Variants in FKBP15 observed in about 807,000 individuals in gnomAD.
FKBP15 encodes the protein FKBP prolyl isomerase family member 15.
FKBP15 carries 106 observed loss-of-function variants against 158.1 expected under a neutral mutation model. The observed-to-expected ratio is 0.67, with a 90% CI of 0.57 to 0.79. The LOEUF (loss-of-function observed/expected upper bound fraction) is 0.79, where lower values mean the gene tolerates loss of function less well. Among genes scored for constraint, FKBP15 ranks in the 30% least tolerant of loss-of-function variants. The pLI, the probability that FKBP15 is intolerant of heterozygous loss-of-function variation, is 0.00. For missense variants in FKBP15, 1,287 were observed against 1,479.1 expected (o/e 0.87, Z 2.13); for synonymous variants, 547 against 548.6 (o/e 1.00, Z 0.04).
chr9:113,209,757 T>C (rs1320891775), intron 2 of FKBP15, among the ~76,000 whole-genome samples: 2 of 152,238 alleles, frequency 1.3e-5, no homozygotes, highest in Non-Finnish European at 2.9e-5. Context: ...AATGACCAAT[T>C]GTTTTTTGTT....
chr9:113,204,254 A>C (rs1424084233), intron 4 of FKBP15, among the ~76,000 whole-genome samples: 1 of 152,018 alleles, frequency 6.6e-6, no homozygotes, highest in Non-Finnish European at 1.5e-5. Flanking sequence ...ATTTTTTTGT[A>C]TTTTTAGTAG....
rs1830005812 is a variant in FKBP15, at chr9:113,161,153, C to T, written c.*4925G>A. 4.8e-6 allele frequency: 1 copy of T among 206,440 alleles called. No individual in the cohort carries two copies. The highest frequency in any genetic ancestry group is 2.3e-5 in the African/African-American group (1 of 42,584). 12.8% of individuals were successfully genotyped at this position (206,440 alleles called of 1,614,324 possible). On this transcript the variant is annotated 3_prime_UTR_variant, in exon 28 of 28. Transcript: ENST00000238256. ...TATTACTCTTGTGCTATTTATCTTT[C>T]CTTCCAGACATTTTTTGCATACTTA...
rs1275194512 is a variant in FKBP15 at position 113,194,406 on chromosome 9, T to TA, written c.865-238dup. Among the ~76,000 whole-genome samples the TA allele has an allele frequency of 5.4e-5, 8 of 148,136 alleles. No individual in the cohort carries two copies. The East Asian group carries it at 5.9e-4, about 11-fold the overall frequency. Reference sequence around the variant, plus strand: ...CAATGTGCACATGTACCCTAAAACTTAAAGTATAATAATAAAAAATAAATA... The same window carrying TA: ...CAATGTGCACATGTACCCTAAAACTTAAAAGTATAATAATAAAAAATAAATA... On this transcript the variant is annotated intron_variant, in intron 9 of 27. Coordinates refer to ENST00000238256, the MANE Select transcript of FKBP15 (RefSeq NM_015258.2).
At chr9:113,180,548 G>T (rs547154421) in intron 19 of FKBP15, among the ~76,000 whole-genome samples, 1 of 151,458 alleles carries the variant, frequency 6.6e-6, no homozygotes, top group East Asian at 2.0e-4. Context: ...TGCTGACATG[G>T]AGAGTGAGAA....
intron 7 of FKBP15, among the ~76,000 whole-genome samples, 191 bp from the exon 8 acceptor site, chr9:113,199,114 C>A (rs4407968): frequency 0.23 from 34,786 of 152,032 alleles, 4,719 homozygotes; most frequent in African/African-American, 0.36. Context: ...ATGAATATCT[C>A]TGAAACAGTA....
chr9:113,175,362 A>G (rs1830283853), intron 21 of FKBP15, among the ~76,000 whole-genome samples: 1 of 152,208 alleles, frequency 6.6e-6, no homozygotes, highest in South Asian at 2.1e-4. Context: ...GTTAGAAGGA[A>G]TTGGTTAAAA....
intron 2 of FKBP15, among the ~76,000 whole-genome samples, chr9:113,210,332 CTTT>C (rs35201179): frequency 1.7e-5 from 2 of 114,722 alleles, no homozygotes; most frequent in Admixed American, 9.9e-5. Context: ...GTTGTGATGG[CTTT>C]TTTTTTTTTT....
chr9:113,170,345 T>C (rs1010688785), intron 25 of FKBP15, among the ~76,000 whole-genome samples, 177 bp downstream of exon 25: 2 of 152,224 alleles, frequency 1.3e-5, no homozygotes, highest in Admixed American at 6.5e-5. Flanking sequence ...TTGCCCAAGC[T>C]GGTCTCAAGC....
intron 11 of FKBP15, among the ~76,000 whole-genome samples, chr9:113,192,414 G>A (rs1395247343): frequency 6.6e-6 from 1 of 152,182 alleles, no homozygotes; most frequent in Non-Finnish European, 1.5e-5. Flanking sequence ...GCCACTGTCT[G>A]GTCCACAGGC....
At position 113,207,124 on chromosome 9, in the gene FKBP15, G is replaced by A. The variant is rs1015605028; in HGVS notation, c.254+88C>T. On this transcript the variant is annotated intron_variant, in intron 3 of 27. Transcript: ENST00000238256. ...CGTGGAAGGGCTAAATAACCGTTTTGCAACAAACAGAGGTTTTTCGAGAAA... is the reference window on the plus strand; with the variant it reads ...CGTGGAAGGGCTAAATAACCGTTTTACAACAAACAGAGGTTTTTCGAGAAA... 3.9e-6 allele frequency: 4 copies of A among 1,017,186 alleles called. 1 individual carries two copies. The highest frequency in any genetic ancestry group is 4.0e-5 in the Admixed American group (2 of 49,614). The allele number at this position is 1,017,186 out of a possible 1,614,324, so 63.0% of individuals were successfully genotyped here.
intron 19 of FKBP15, among the ~76,000 whole-genome samples, chr9:113,182,040 A>G (rs1248110408): frequency 6.6e-6 from 1 of 152,244 alleles, no homozygotes; most frequent in Non-Finnish European, 1.5e-5. Flanking sequence ...AAGACATAGT[A>G]AGGAATCCTC....
Position 113,206,830 on chromosome 9 carries a change from C to T in FKBP15, c.255-252G>A, listed in dbSNP as rs374746616. On this transcript the variant is annotated intron_variant, in intron 3 of 27. Transcript: ENST00000238256. Reference sequence around the variant, plus strand: ...CTCCCAGGTTCAAGCAATTCTTCTGCCTCGGCCTCCCAAAGTGCTGGGATT... The same window carrying T: ...CTCCCAGGTTCAAGCAATTCTTCTGTCTCGGCCTCCCAAAGTGCTGGGATT... 61 of 472,758 alleles carry T rather than the reference C, an allele frequency of 1.3e-4. 1 individual carries two copies. Among genetic ancestry groups the T allele is most frequent in the East Asian group, 6.0e-4 (16 of 26,526 alleles). 29.3% of individuals were successfully genotyped at this position (472,758 alleles called of 1,614,324 possible). A position where few individuals can be genotyped will look rare whatever the true frequency, so the allele number is the denominator to read the frequency against.
In FKBP15 at chr9:113,166,082, C is replaced by T. The variant is rs767956533; in HGVS notation, c.3656G>A (p.Gly1219Glu). 71 of 1,613,302 alleles carry T rather than the reference C, an allele frequency of 4.4e-5. No homozygotes were observed. Among genetic ancestry groups the T allele is most frequent in the Non-Finnish European group, 5.9e-5 (70 of 1,179,638 alleles). ...DDDDDDIDWL[G>E] ...TTGCACCAGTTTCCTGGGTCTTCAT[C>T]CCAGCCAGTCAATGTCATCGTCATC... Residue 1219 changes from glycine to glutamate, a missense_variant, in exon 28 of 28, where the codon GGA becomes GAA. Physicochemically the swap from Gly to Glu is moderately conservative, Grantham distance 98. Transcript: ENST00000238256.
Position 113,199,971 on chromosome 9 carries a change from A to G in FKBP15, c.499-8T>C. On this transcript the variant is annotated splice_polypyrimidine_tract_variant and splice_region_variant and intron_variant, in intron 6 of 27. Coordinates refer to ENST00000238256, the MANE Select transcript of FKBP15 (RefSeq NM_015258.2). Reference sequence around the variant, plus strand: ...GCACTTAGCAATGCACACCTGCAAGACAAAATCAAAGCAGCATAAATGTAG... The same window carrying G: ...GCACTTAGCAATGCACACCTGCAAGGCAAAATCAAAGCAGCATAAATGTAG... The G allele has an allele frequency of 6.2e-7, 1 of 1,608,706 alleles. No individual in the cohort carries two copies. The highest frequency in any genetic ancestry group is 1.1e-5 in the South Asian group (1 of 89,912).
At chr9:113,169,189 A>T (rs189541443) in intron 26 of FKBP15, 35 bp downstream of exon 26, 70 of 1,583,420 alleles carry the variant, frequency 4.4e-5, no homozygotes, top group Non-Finnish European at 5.9e-5. Flanking sequence ...ACAGATAACT[A>T]CCCTGTCCCT....
At chr9:113,192,740 T>C (rs1830599588) in intron 11 of FKBP15, among the ~76,000 whole-genome samples, 2 of 152,204 alleles carry the variant, frequency 1.3e-5, no homozygotes, top group African/African-American at 2.4e-5. Flanking sequence ...CATTATTTTA[T>C]TTACAAGTCA....
rs767310099 is a variant in FKBP15, at chr9:113,199,877, T to C, written c.585A>G (p.Glu195=). The C allele has an allele frequency of 6.2e-7, 1 of 1,613,272 alleles. No individual in the cohort carries two copies. The highest frequency in any genetic ancestry group is 8.5e-7 in the Non-Finnish European group (1 of 1,179,606). Residue 195 remains glutamate (E), a synonymous_variant, in exon 7 of 28, where the codon GAA becomes GAG. Transcript: ENST00000238256. The stretch of plus-strand genomic sequence containing the variant: ...AGGCCACTTCCAAAGAATCTCCAAC[T>C]TCTACAGCAGGGCCGTCTGCCACAA... ...DLIVADGPAV[E]VGDSLEVAYT... is the part of the protein sequence containing the mutation.
intron 23 of FKBP15, among the ~76,000 whole-genome samples, chr9:113,172,079 A>G (rs1034908883): frequency 6.8e-6 from 1 of 146,206 alleles, no homozygotes; most frequent in African/African-American, 2.6e-5. Context: ...ATTCCCACCT[A>G]TGAGTGAGAA....
Position 113,173,433 on chromosome 9 carries a change from G to T in FKBP15, c.2532+20C>A. 1 of 1,609,022 alleles carries T rather than the reference G, an allele frequency of 6.2e-7. No individual in the cohort carries two copies. Among genetic ancestry groups the T allele is most frequent in the South Asian group, 1.1e-5 (1 of 90,744 alleles). The stretch of plus-strand genomic sequence containing the variant: ...ATTAACTGGGCTGCCTAAACTGTCT[G>T]ACTCAAGAAAAATATGTACCTTTTC... On this transcript the variant is annotated intron_variant, in intron 23 of 27. Coordinates refer to ENST00000238256, the MANE Select transcript of FKBP15 (RefSeq NM_015258.2).
Sources: gnomAD v4.1 joint callset for allele counts (sites outside exome capture counted in the v4.1 genomes callset) on GRCh38, gnomAD v4.1.1 for gene constraint, MANE v1.5 for transcripts, NCBI Gene and HGNC (gene_info 2026-07-23, HGNC 2026-07-21) for gene names.